ADGRV1: variants seen among roughly 807,000 people sequenced by gnomAD.
ADGRV1 encodes G-protein coupled receptor 98.
Under a neutral mutation model 596.2 loss-of-function variants are expected in ADGRV1, and 359 were observed. The observed-to-expected ratio is 0.60, with a 90% confidence interval of 0.55 to 0.66. The LOEUF is 0.66. Ranked by LOEUF, ADGRV1 falls within the 30% of genes least tolerant of loss-of-function variation. The pLI is 0.00. For missense variants in ADGRV1, 7,274 were observed against 7,575.6 expected, an observed-to-expected ratio of 0.96 and a Z score of 1.48; for synonymous variants, 2,681 against 2,679.2, an observed-to-expected ratio of 1.00 and a Z score of -0.02.
At chr5:90,989,248 G>A (rs769028219) in intron 85 of ADGRV1, among the ~76,000 whole-genome samples, 6 of 152,054 alleles carry the variant, frequency 3.9e-5, no homozygotes, top group African/African-American at 9.7e-5. Flanking sequence ...CTAGTTTACA[G>A]TCCCACCAAC....
chr5:90,642,407 T>G (rs1432444654), intron 11 of ADGRV1, among the ~76,000 whole-genome samples: 1 of 152,112 alleles, frequency 6.6e-6, no homozygotes, highest in East Asian at 1.9e-4. Context: ...TTTTGTCAAA[T>G]AAAAAAAGAT....
chr5:90,610,067 A>G (rs888949424), intron 1 of ADGRV1, among the ~76,000 whole-genome samples: 2 of 151,872 alleles, frequency 1.3e-5, no homozygotes, highest in Non-Finnish European at 2.9e-5. Flanking sequence ...TTATTGAGAC[A>G]TAGAAAAAAA....
rs1413052802 is a variant in ADGRV1, at chr5:90,704,385, A to G, written c.8287-4A>G. ...CGGGATTGATTTCTTTCTGTATGAC[A>G]TAGGGGTCGTTGAATACAACATTGT... On this transcript the variant is annotated splice_polypyrimidine_tract_variant and splice_region_variant and intron_variant, in intron 35 of 89. Coordinates refer to ENST00000405460, the MANE Select transcript of ADGRV1 (RefSeq NM_032119.4). The G allele has an allele frequency of 1.9e-6, 3 of 1,545,780 alleles. No homozygotes were observed. Among genetic ancestry groups the G allele is most frequent in the East Asian group, 2.3e-5 (1 of 42,826 alleles).
intron 84 of ADGRV1, among the ~76,000 whole-genome samples, chr5:90,972,125 A>G (rs1278143650): frequency 6.6e-6 from 1 of 152,244 alleles, no homozygotes; most frequent in African/African-American, 2.4e-5. Flanking sequence ...ATAATGGTAA[A>G]GGGATCAATT....
intron 84 of ADGRV1, 86 bp from the exon 85 acceptor site, chr5:90,985,258 G>T (rs1475517754): frequency 2.3e-5 from 20 of 858,216 alleles, no homozygotes; most frequent in African/African-American, 1.7e-5. Context: ...CCTTTTGTTG[G>T]TCGGTAACAT....
intron 83 of ADGRV1, among the ~76,000 whole-genome samples, chr5:90,866,237 A>G (rs1338618337): frequency 6.6e-6 from 1 of 151,962 alleles, no homozygotes; most frequent in Non-Finnish European, 1.5e-5. Context: ...AAGTCAGGAA[A>G]ATATGCTCGT....
chr5:90,856,666 A>T (rs1034004114), intron 82 of ADGRV1, among the ~76,000 whole-genome samples: 1 of 152,176 alleles, frequency 6.6e-6, no homozygotes, highest in Non-Finnish European at 1.5e-5. Context: ...AGCTGGGCAT[A>T]GGGTAATGGT....
In ADGRV1 at chr5:90,674,076, AT is replaced by A. The variant is rs1561501925; in HGVS notation, c.4953del (p.Asp1651GlufsTer13). On this transcript the variant is annotated frameshift_variant, in exon 23 of 90. Coordinates refer to ENST00000405460, the MANE Select transcript of ADGRV1 (RefSeq NM_032119.4). LOFTEE classifies it high-confidence loss of function. The stretch of plus-strand genomic sequence containing the variant: ...TAGGTTCTGAATATATATGTTCTTG[AT>A]GATGATATTCCTGAACTTAATGAGT... ...RSEVLNIYVL[D>X]DDIPELNEYF... 1 of 1,611,890 alleles carries A rather than the reference AT, an allele frequency of 6.2e-7. No individual in the cohort carries two copies. Among genetic ancestry groups the A allele is most frequent in the Non-Finnish European group, 8.5e-7 (1 of 1,178,330 alleles).
At chr5:90,659,991 C>T (rs1019840267) in intron 21 of ADGRV1, among the ~76,000 whole-genome samples, 1 of 151,414 alleles carries the variant, frequency 6.6e-6, no homozygotes, top group Non-Finnish European at 1.5e-5. Flanking sequence ...GAGATGGTGC[C>T]ACTGCACTCC....
At chr5:90,613,699 G>A (rs1762990232) in intron 1 of ADGRV1, among the ~76,000 whole-genome samples, 1 of 152,092 alleles carries the variant, frequency 6.6e-6, no homozygotes, top group Admixed American at 6.6e-5. Context: ...TCAGAAGTGT[G>A]TGAGACATCA....
intron 83 of ADGRV1, among the ~76,000 whole-genome samples, chr5:90,927,042 C>G (rs1052474263): frequency 2.0e-5 from 3 of 147,642 alleles, no homozygotes; most frequent in Non-Finnish European, 3.0e-5. Flanking sequence ...CTGAGGAGAG[C>G]TTTACTTCCA....
At chr5:90,740,656 AC>A (rs1753845891) in intron 50 of ADGRV1, among the ~76,000 whole-genome samples, 1 of 151,924 alleles carries the variant, frequency 6.6e-6, no homozygotes, top group Non-Finnish European at 1.5e-5. Flanking sequence ...TGTGAGCCCT[AC>A]CCCTGTTCGT....
Position 90,830,308 on chromosome 5 carries a change from A to G in ADGRV1, c.16611+1122A>G, listed in dbSNP as rs577551817. On this transcript the variant is annotated intron_variant, in intron 77 of 89. Coordinates refer to ENST00000405460, the MANE Select transcript of ADGRV1 (RefSeq NM_032119.4). The stretch of plus-strand genomic sequence containing the variant: ...GTCTATTCTAAATAGCACAAAGTGA[A>G]GTATGTTGATTTACAGTAGGAAGAC... Among the ~76,000 whole-genome samples, 15 of 152,298 alleles carry G rather than the reference A, an allele frequency of 9.8e-5. No individual in the cohort carries two copies. The South Asian group carries it at 3.1e-3, about 32-fold the overall frequency.
intron 89 of ADGRV1, among the ~76,000 whole-genome samples, chr5:91,157,845 A>G (rs890862354): frequency 6.6e-6 from 1 of 152,132 alleles, no homozygotes; most frequent in African/African-American, 2.4e-5. Flanking sequence ...ACTATCTTGT[A>G]CTCCTTGAAA....
intron 59 of ADGRV1, among the ~76,000 whole-genome samples, chr5:90,765,572 TAATCA>T (rs1009723874): frequency 6.6e-6 from 1 of 152,210 alleles, no homozygotes; most frequent in Non-Finnish European, 1.5e-5. Flanking sequence ...TGCATTCATA[TAATCA>T]AATCAGAGTA....
intron 78 of ADGRV1, among the ~76,000 whole-genome samples, chr5:90,843,171 G>A (rs1765580123): frequency 6.6e-6 from 1 of 152,028 alleles, no homozygotes; most frequent in Non-Finnish European, 1.5e-5. Context: ...TGATACTAAA[G>A]TTTACCTGGA....
intron 83 of ADGRV1, among the ~76,000 whole-genome samples, chr5:90,906,592 C>A (rs1402510799): frequency 6.6e-6 from 1 of 151,932 alleles, no homozygotes; most frequent in East Asian, 1.9e-4. Context: ...CCATTTTCAA[C>A]TCTGATTTTA....
At chr5:90,560,829 T>C (rs569299122) in intron 1 of ADGRV1, among the ~76,000 whole-genome samples, 1 of 152,286 alleles carries the variant, frequency 6.6e-6, no homozygotes, top group South Asian at 2.1e-4. Context: ...AATGGTTTTA[T>C]GGTAATAAAT....
intron 85 of ADGRV1, among the ~76,000 whole-genome samples, chr5:91,056,782 G>A (rs1393529447): frequency 2.0e-5 from 3 of 152,128 alleles, no homozygotes; most frequent in Non-Finnish European, 2.9e-5. Context: ...CTGTACATAT[G>A]TTAGCCACTC....
Sources: allele counts gnomAD v4.1 joint callset (sites outside exome capture counted in the v4.1 genomes callset), GRCh38; gene constraint gnomAD v4.1.1; transcripts MANE v1.5; gene names NCBI Gene and HGNC (gene_info 2026-07-23, HGNC 2026-07-21).